The following ANK3 variants were observed in gnomAD, a reference collection of about 807,000 sequenced individuals.
ANK3 encodes the protein ankyrin-3.
A neutral mutation model predicts 370.9 loss-of-function variants in ANK3; 57 were observed. The observed-to-expected ratio is 0.15, with a 90% CI of 0.12 to 0.19. ANK3 has a LOEUF of 0.19. ANK3 is among the 10% of genes least tolerant of loss of function. ANK3 has a pLI of 1.00. For synonymous variants in ANK3, 1,929 were observed against 1,946.3 expected (o/e 0.99, Z 0.23); for missense variants, 4,439 against 5,302.1 (o/e 0.84, Z 5.06).
chr10:60,270,891 TAAG>T (rs2097965777), intron 4 of ANK3, among the ~76,000 whole-genome samples: 1 of 152,162 alleles, frequency 6.6e-6, no homozygotes, highest in Non-Finnish European at 1.5e-5. Context: ...GTTTTTTTGC[TAAG>T]GTAGTTTAAT....
intron 42 of ANK3, 45 bp from the exon 43 acceptor site, chr10:60,042,804 TTA>T: frequency 6.7e-7 from 1 of 1,503,074 alleles, no homozygotes; most frequent in Non-Finnish European, 8.8e-7. Context: ...TGAAACAGTG[TTA>T]GTTATAAAGC....
intron 43 of ANK3, among the ~76,000 whole-genome samples, chr10:60,035,408 C>A (rs1402969925): frequency 6.6e-6 from 1 of 151,892 alleles, no homozygotes; most frequent in Non-Finnish European, 1.5e-5. Flanking sequence ...GCCACCATGC[C>A]TGGCTAATTT....
chr10:60,610,169 T>C (rs2078181544), intron 2 of ANK3, among the ~76,000 whole-genome samples: 1 of 152,166 alleles, frequency 6.6e-6, no homozygotes, highest in Non-Finnish European at 1.5e-5. Context: ...ATTAAATATT[T>C]ACGAAGCATG....
chr10:60,224,222 G>T (rs1056201981), intron 8 of ANK3, among the ~76,000 whole-genome samples: 10 of 152,128 alleles, frequency 6.6e-5, no homozygotes, highest in African/African-American at 2.2e-4. Flanking sequence ...AAATGAAATT[G>T]CATGGGGTTA....
chr10:60,393,432 C>T (rs984971125), upstream of ANK3, among the ~76,000 whole-genome samples: 4 of 152,096 alleles, frequency 2.6e-5, no homozygotes, highest in East Asian at 1.9e-4. Flanking sequence ...GAGTGCTTCC[C>T]GCCTGGGCAT....
intron 2 of ANK3, among the ~76,000 whole-genome samples, chr10:60,498,698 T>A (rs2075721251): frequency 6.6e-6 from 1 of 152,198 alleles, no homozygotes; most frequent in African/African-American, 2.4e-5. Context: ...AATGATAATA[T>A]ATTTTTAATG....
At chr10:60,698,230 A>G (rs1393225638) in intron 1 of ANK3, among the ~76,000 whole-genome samples, 4 of 151,076 alleles carry the variant, frequency 2.6e-5, no homozygotes, top group African/African-American at 7.3e-5. Context: ...TAGAATGGCA[A>G]TCATTAAAAA....
chr10:60,079,925 T>C (rs997354422), intron 36 of ANK3, among the ~76,000 whole-genome samples: 3 of 151,824 alleles, frequency 2.0e-5, no homozygotes, highest in Non-Finnish European at 2.9e-5. Context: ...AAAACGATCA[T>C]TGAGAAAAGA....
intron 2 of ANK3, among the ~76,000 whole-genome samples, chr10:60,479,707 T>A (rs2075162259): frequency 6.6e-6 from 1 of 152,022 alleles, no homozygotes; most frequent in Non-Finnish European, 1.5e-5. Flanking sequence ...ATACCTCTTT[T>A]TATAGGCTGG....
intron 1 of ANK3, among the ~76,000 whole-genome samples, chr10:60,680,591 T>C (rs1290526167): frequency 1.3e-5 from 2 of 152,204 alleles, no homozygotes; most frequent in Admixed American, 1.3e-4. Context: ...ACAGGTCAAT[T>C]ACTATGTACA....
At chr10:60,602,218 T>C (rs1341439307) in intron 2 of ANK3, among the ~76,000 whole-genome samples, 1 of 152,180 alleles carries the variant, frequency 6.6e-6, no homozygotes, top group East Asian at 1.9e-4. Flanking sequence ...ACTGGCATTA[T>C]TTACTAATGT....
At chr10:60,670,389 T>A (rs2079050915) in intron 1 of ANK3, among the ~76,000 whole-genome samples, 1 of 152,040 alleles carries the variant, frequency 6.6e-6, no homozygotes, top group Admixed American at 6.6e-5. Context: ...TCTGGATTCC[T>A]CCCCTTTCCT....
At chr10:60,232,790 T>C (rs1592148254) in intron 8 of ANK3, among the ~76,000 whole-genome samples, 1 of 152,154 alleles carries the variant, frequency 6.6e-6, no homozygotes, top group Non-Finnish European at 1.5e-5. Flanking sequence ...AGTGTTGTGG[T>C]GTCTTGCTCT....
At chr10:60,172,271 G>T in intron 21 of ANK3, 37 bp downstream of exon 21, 1 of 1,527,892 alleles carries the variant, frequency 6.5e-7, no homozygotes, top group Non-Finnish European at 9.0e-7. Context: ...CTGAAAGCTG[G>T]CTCCTAGGGT....
In ANK3 at chr10:60,052,197, C is replaced by T. The variant is rs144267101; in HGVS notation, c.13065+3461G>A. On this transcript the variant is annotated intron_variant, in intron 42 of 43. Coordinates refer to ENST00000280772, the MANE Select transcript of ANK3 (RefSeq NM_020987.5). ...CCAACACGGTGAAACCCTGTCTCTA[C>T]TAAAATACAAAAAATAGCTCCTTAG... 5.1e-3 allele frequency among the ~76,000 whole-genome samples: 772 copies of T among 152,108 alleles called. 10 individuals are homozygous for T. The highest frequency in any genetic ancestry group is 0.018 in the African/African-American group (732 of 41,492).
At chr10:60,458,426 G>A (rs1228631463) in intron 2 of ANK3, among the ~76,000 whole-genome samples, 1 of 152,018 alleles carries the variant, frequency 6.6e-6, no homozygotes, top group East Asian at 1.9e-4. Context: ...GTAATAATTA[G>A]GCACCCCTCC....
chr10:60,580,428 C>A (rs975746655), intron 2 of ANK3, among the ~76,000 whole-genome samples: 5 of 152,120 alleles, frequency 3.3e-5, no homozygotes, highest in African/African-American at 4.8e-5. Context: ...TCAAACCTAC[C>A]ACTGCTATTA....
intron 1 of ANK3, among the ~76,000 whole-genome samples, chr10:60,363,431 T>G (rs1050888108): frequency 1.1e-4 from 16 of 152,180 alleles, no homozygotes; most frequent in African/African-American, 2.4e-5. Flanking sequence ...CTCCAACCAC[T>G]TGTATCTGGA....
At position 60,172,481 on chromosome 10, in the gene ANK3, A is replaced by G. The variant is rs2095818672; in HGVS notation, c.2383-78T>C. 11 of 1,163,322 alleles carry G rather than the reference A, an allele frequency of 9.5e-6. 1 individual carries two copies. The South Asian group carries it at 1.3e-4, about 14-fold the overall frequency. The allele number at this position is 1,163,322 out of a possible 1,614,324, so 72.1% of individuals were successfully genotyped here. A position where few individuals can be genotyped will look rare whatever the true frequency, so the allele number is the denominator to read the frequency against. On this transcript the variant is annotated intron_variant, in intron 20 of 43. Coordinates refer to ENST00000280772, the MANE Select transcript of ANK3 (RefSeq NM_020987.5). ...TTTTGCTGATACAAAATGTAAGGTG[A>G]GTGTCTCATCAGACCCATCCCACTG...
Sources: gnomAD v4.1 joint callset for allele counts (sites outside exome capture counted in the v4.1 genomes callset) on GRCh38, gnomAD v4.1.1 for gene constraint, MANE v1.5 for transcripts, NCBI Gene and HGNC (gene_info 2026-07-23, HGNC 2026-07-21) for gene names.